The following DLGAP1 variants were observed in gnomAD, a reference collection of about 807,000 sequenced individuals.
The protein encoded by DLGAP1 is disks large-associated protein 1.
DLGAP1 carries 11 observed loss-of-function variants against 90.8 expected under a neutral mutation model. The ratio of observed to expected loss-of-function variants is 0.12; its 90% CI spans 0.08 to 0.20. The LOEUF is 0.20. DLGAP1 is among the 10% of genes least tolerant of loss of function. The probability of loss-of-function intolerance (pLI) is 1.00; values close to 1 mark genes in which losing one functional copy is unlikely to be tolerated. For missense variants in DLGAP1, 1,050 were observed against 1,333.8 expected, an observed-to-expected ratio of 0.79 and a Z score of 3.31; for synonymous variants, 558 against 540.7, an observed-to-expected ratio of 1.03 and a Z score of -0.44.
intron 3 of DLGAP1, among the ~76,000 whole-genome samples, chr18:3,904,599 T>C (rs1288873965): frequency 6.6e-6 from 1 of 152,174 alleles, no homozygotes; most frequent in African/African-American, 2.4e-5. Flanking sequence ...TAGTGATGAT[T>C]AAAGAATCTA....
At chr18:3,657,231 G>C (rs1026805125) in intron 7 of DLGAP1, among the ~76,000 whole-genome samples, 24 of 152,138 alleles carry the variant, frequency 1.6e-4, no homozygotes, top group Non-Finnish European at 2.8e-4. Flanking sequence ...TTGAAGTCCT[G>C]GTTCTCTTTC....
chr18:4,257,612 TTC>T lies in DLGAP1; in HGVS notation c.-266-106327_-266-106326del, dbSNP rs374590208. 3.5e-4 allele frequency among the ~76,000 whole-genome samples: 53 copies of T among 152,204 alleles called. 1 individual carries two copies. The East Asian group carries it at 9.8e-3, about 28-fold the overall frequency. ...AAGCTCTTTTAACAAATTCATTTTT[TTC>T]TTTTTCTTTTCCTTTCTTTTTTTTT... On this transcript the variant is annotated intron_variant, in intron 1 of 12. Transcript: ENST00000315677.
At chr18:4,309,579 C>T (rs1415011441) in intron 1 of DLGAP1, among the ~76,000 whole-genome samples, 3 of 152,112 alleles carry the variant, frequency 2.0e-5, no homozygotes, top group South Asian at 2.1e-4. Flanking sequence ...AATAAAAAAT[C>T]GTTTAGCCCA....
intron 7 of DLGAP1, among the ~76,000 whole-genome samples, chr18:3,664,218 C>CCACACA (rs759262912): frequency 2.6e-5 from 2 of 75,770 alleles, no homozygotes; most frequent in African/African-American, 1.2e-4. Context: ...ACACACACAC[C>CCACACA]CACACACACA....
intron 1 of DLGAP1, among the ~76,000 whole-genome samples, chr18:4,306,835 T>A (rs550086405): frequency 1.3e-5 from 2 of 152,308 alleles, no homozygotes; most frequent in African/African-American, 2.4e-5. Context: ...CAAGAATTTA[T>A]TAAGTCTATT....
intron 4 of DLGAP1, among the ~76,000 whole-genome samples, chr18:3,871,280 AATAG>A (rs1316489538): frequency 6.6e-5 from 10 of 152,218 alleles, no homozygotes; most frequent in South Asian, 2.1e-4. Flanking sequence ...TTAGATGAAA[AATAG>A]ATAGGAAGAT....
chr18:4,443,954 C>T (rs1033874675), intron 1 of DLGAP1, among the ~76,000 whole-genome samples: 1 of 152,190 alleles, frequency 6.6e-6, no homozygotes, highest in South Asian at 2.1e-4. Context: ...TGGAATGTTC[C>T]CACCTAATCA....
chr18:3,922,831 T>G (rs1475124588), intron 3 of DLGAP1, among the ~76,000 whole-genome samples: 1 of 152,122 alleles, frequency 6.6e-6, no homozygotes, highest in Non-Finnish European at 1.5e-5. Context: ...GTCAAATTTA[T>G]TTTCAAAAAG....
intron 2 of DLGAP1, among the ~76,000 whole-genome samples, chr18:4,106,567 T>C (rs1402059308): frequency 6.6e-6 from 1 of 152,182 alleles, no homozygotes; most frequent in Non-Finnish European, 1.5e-5. Flanking sequence ...AATAAATGCA[T>C]AAATGCAACT....
intron 1 of DLGAP1, among the ~76,000 whole-genome samples, chr18:4,216,830 T>C (rs973068183): frequency 1.3e-5 from 2 of 152,130 alleles, no homozygotes; most frequent in Non-Finnish European, 2.9e-5. Context: ...AGTAGCATCT[T>C]GCATGAGTGG....
intron 2 of DLGAP1, among the ~76,000 whole-genome samples, chr18:4,142,207 T>C (rs903604582): frequency 1.3e-5 from 2 of 152,218 alleles, no homozygotes; most frequent in African/African-American, 4.8e-5. Flanking sequence ...ATAAACTCTA[T>C]TATACTATTG....
At chr18:3,557,376 G>A (rs2053818512) in intron 9 of DLGAP1, among the ~76,000 whole-genome samples, 1 of 152,086 alleles carries the variant, frequency 6.6e-6, no homozygotes, top group African/African-American at 2.4e-5. Context: ...ATAAAAATTA[G>A]CTGGGTGTGG....
At chr18:3,726,825 C>A (rs943965637) in intron 7 of DLGAP1, among the ~76,000 whole-genome samples, 1 of 152,134 alleles carries the variant, frequency 6.6e-6, no homozygotes, top group Non-Finnish European at 1.5e-5. Flanking sequence ...AAGCCTGGAG[C>A]CTTCCCCAAG....
chr18:3,684,097 A>G (rs764800873), intron 7 of DLGAP1, among the ~76,000 whole-genome samples: 11 of 152,218 alleles, frequency 7.2e-5, no homozygotes, highest in Non-Finnish European at 1.3e-4. Flanking sequence ...TATCACTGAT[A>G]CAAAAAATGC....
chr18:4,075,112 T>C (rs559329426), intron 2 of DLGAP1, among the ~76,000 whole-genome samples: 3 of 152,320 alleles, frequency 2.0e-5, no homozygotes, highest in Admixed American at 2.0e-4. Flanking sequence ...AATAGGATTT[T>C]CCTCTTGTTT....
chr18:3,974,647 CTTA>C (rs1170468571), intron 3 of DLGAP1, among the ~76,000 whole-genome samples: 1 of 152,046 alleles, frequency 6.6e-6, no homozygotes, highest in African/African-American at 2.4e-5. Context: ...ACATAAAGAA[CTTA>C]TTATTAATCA....
chr18:4,407,549 G>A (rs1209659774), intron 1 of DLGAP1, among the ~76,000 whole-genome samples: 1 of 152,152 alleles, frequency 6.6e-6, no homozygotes, highest in Non-Finnish European at 1.5e-5. Context: ...AGCTTTCTGG[G>A]TCTCGGCAAA....
At chr18:3,860,502 G>T (rs1287011856) in intron 4 of DLGAP1, among the ~76,000 whole-genome samples, 1 of 152,190 alleles carries the variant, frequency 6.6e-6, no homozygotes, top group Non-Finnish European at 1.5e-5. Context: ...ACTCAATGTT[G>T]TATAACTGCT....
At chr18:3,936,798 G>A (rs73940347) in intron 3 of DLGAP1, among the ~76,000 whole-genome samples, 4,154 of 152,258 alleles carry the variant, frequency 0.027, 193 homozygotes, top group African/African-American at 0.094. Flanking sequence ...ATGGGGTAAT[G>A]TGGCAACTGT....
Sources: gnomAD v4.1 joint callset for allele counts (sites outside exome capture counted in the v4.1 genomes callset) on GRCh38, gnomAD v4.1.1 for gene constraint, MANE v1.5 for transcripts, NCBI Gene and HGNC (gene_info 2026-07-23, HGNC 2026-07-21) for gene names.